Variants in SLC71A2 observed in about 807,000 individuals in gnomAD.
SLC71A2 encodes solute carrier family 71 member 2.
At chr9:94,420,306 C>T in the SLC71A2 span, among the ~76,000 whole-genome samples, 1 of 152,200 alleles carries the variant, frequency 6.6e-6, no homozygotes, top group Non-Finnish European at 1.5e-5. Context: ...AACGAGTCCT[C>T]TCAGGCAGCA....
the SLC71A2 span, among the ~76,000 whole-genome samples, chr9:94,378,465 T>C: frequency 6.6e-6 from 1 of 151,976 alleles, no homozygotes; most frequent in Non-Finnish European, 1.5e-5. Context: ...CCATCTCTAC[T>C]AAAAATACAA....
chr9:94,455,089 A>G, the SLC71A2 span, among the ~76,000 whole-genome samples: 61 of 144,194 alleles, frequency 4.2e-4, no homozygotes, highest in African/African-American at 1.6e-3. Flanking sequence ...TATCATGTTT[A>G]GTTTGGGGAG....
the SLC71A2 span, among the ~76,000 whole-genome samples, chr9:94,396,920 G>A: frequency 1.3e-5 from 2 of 152,074 alleles, no homozygotes; most frequent in African/African-American, 4.8e-5. Flanking sequence ...ACAGGCATGC[G>A]CCGCCACACC....
At chr9:94,407,813 A>G in the SLC71A2 span, among the ~76,000 whole-genome samples, 30,275 of 152,012 alleles carry the variant, frequency 0.2, 3,235 homozygotes, top group African/African-American at 0.28. Flanking sequence ...ATAATCCTAA[A>G]TGGAAAATTC....
the SLC71A2 span, chr9:94,459,565 T>A: frequency 1.8e-6 from 1 of 569,892 alleles, no homozygotes; most frequent in Admixed American, 4.1e-5. Flanking sequence ...CTGCTCATCC[T>A]CCTCCTGTTT....
chr9:94,458,203 T>TCTC, the SLC71A2 span: 477,550 of 754,714 alleles, frequency 0.63, 156,868 homozygotes, highest in African/African-American at 0.93. Context: ...TAGCATGCTT[T>TCTC]CTCTTTTCCT....
the SLC71A2 span, among the ~76,000 whole-genome samples, chr9:94,417,642 A>G: frequency 6.6e-6 from 1 of 152,206 alleles, no homozygotes; most frequent in Admixed American, 6.5e-5. Flanking sequence ...ACAAACAAAC[A>G]AAAAAACCCA....
chr9:94,381,263 C>T, the SLC71A2 span, among the ~76,000 whole-genome samples: 39,647 of 147,536 alleles, frequency 0.27, 5,338 homozygotes, highest in East Asian at 0.45. Flanking sequence ...CTCAAACTCC[C>T]GACCTCAGAC....
chr9:94,412,049 T>A, the SLC71A2 span, among the ~76,000 whole-genome samples: 1 of 152,218 alleles, frequency 6.6e-6, no homozygotes, highest in Non-Finnish European at 1.5e-5. Flanking sequence ...TCATTCCTAT[T>A]TGCAGTTTGT....
the SLC71A2 span, among the ~76,000 whole-genome samples, chr9:94,455,156 C>CTTTTTTTTTTTTTTTT: frequency 2.2e-4 from 6 of 27,686 alleles, 1 homozygote; most frequent in African/African-American, 7.8e-4. Flanking sequence ...TTGCTCTTTC[C>CTTTTTTTTTTTTTTTT]TTTTTTTTTT....
the SLC71A2 span, chr9:94,445,208 C>G: frequency 2.0e-6 from 3 of 1,528,762 alleles, no homozygotes; most frequent in Non-Finnish European, 2.7e-6. Context: ...GAAATATTTA[C>G]TTTCCTAAAT....
chr9:94,392,347 C>T, the SLC71A2 span, among the ~76,000 whole-genome samples: 2 of 150,866 alleles, frequency 1.3e-5, no homozygotes, highest in African/African-American at 4.9e-5. Flanking sequence ...TGCCTTGTAC[C>T]TTCTCTTAAC....
the SLC71A2 span, among the ~76,000 whole-genome samples, chr9:94,403,168 C>T: frequency 6.6e-6 from 1 of 152,032 alleles, no homozygotes; most frequent in Non-Finnish European, 1.5e-5. Flanking sequence ...TTCCATTTCA[C>T]TCTCGTTGCC....
the SLC71A2 span, among the ~76,000 whole-genome samples, chr9:94,395,506 G>A: frequency 2.0e-5 from 3 of 152,058 alleles, no homozygotes; most frequent in African/African-American, 7.3e-5. Context: ...CTGAGGACCT[G>A]GACTCATTAT....
the SLC71A2 span, chr9:94,454,080 A>G: frequency 9.4e-6 from 15 of 1,588,254 alleles, 1 homozygote; most frequent in South Asian, 1.3e-4. Flanking sequence ...GGTAAGCCTC[A>G]CTCTTAGATT....
chr9:94,422,084 A>G, the SLC71A2 span, among the ~76,000 whole-genome samples: 1 of 152,140 alleles, frequency 6.6e-6, no homozygotes, highest in African/African-American at 2.4e-5. Context: ...GGGTTTCGCC[A>G]TGTTGGCCAG....
the SLC71A2 span, chr9:94,460,693 TTG>T: frequency 2.7e-4 from 39 of 146,186 alleles, no homozygotes; most frequent in African/African-American, 8.8e-4. Context: ...TTTTTTTTTT[TTG>T]ATGGGGTGCT....
At chr9:94,438,360 T>A in the SLC71A2 span, 2 of 1,613,964 alleles carry the variant, frequency 1.2e-6, no homozygotes, top group Non-Finnish European at 1.7e-6. Flanking sequence ...AATTGAGGGA[T>A]CAGATTATAA....
chr9:94,447,028 A>G, the SLC71A2 span: 1 of 685,324 alleles, frequency 1.5e-6, no homozygotes, highest in Non-Finnish European at 2.6e-6. Flanking sequence ...ACTGCAGAGG[A>G]AAAAACATGT....
Sources: gnomAD v4.1 joint callset for allele counts (sites outside exome capture counted in the v4.1 genomes callset) on GRCh38, gnomAD v4.1.1 for gene constraint, MANE v1.5 for transcripts, NCBI Gene and HGNC (gene_info 2026-07-23, HGNC 2026-07-21) for gene names.